CORIN: variants seen among roughly 807,000 people sequenced by gnomAD.
The protein encoded by CORIN is atrial natriuretic peptide-converting enzyme.
Under a neutral mutation model 125.3 loss-of-function variants are expected in CORIN, and 117 were observed. The ratio of observed to expected loss-of-function variants is 0.93; its 90% CI spans 0.80 to 1.09. CORIN has a LOEUF of 1.09. Among genes scored for constraint, CORIN ranks in the 50% least tolerant of loss-of-function variants. CORIN has a pLI of 0.00. For synonymous variants in CORIN, 450 were observed against 466.4 expected (o/e 0.96, Z 0.45); for missense variants, 1,253 against 1,306.7 (o/e 0.96, Z 0.63).
chr4:47,802,500 G>A (rs1577935962), intron 2 of CORIN, among the ~76,000 whole-genome samples: 1 of 152,190 alleles, frequency 6.6e-6, no homozygotes, highest in African/African-American at 2.4e-5. Flanking sequence ...TGGTGGTTGT[G>A]GTGGCCACAG....
chr4:47,597,396 G>C (rs1360660363), intron 21 of CORIN, among the ~76,000 whole-genome samples: 1 of 150,968 alleles, frequency 6.6e-6, no homozygotes, highest in Non-Finnish European at 1.5e-5. Flanking sequence ...AATTTTGATT[G>C]TGCTGTATGC....
intron 2 of CORIN, among the ~76,000 whole-genome samples, chr4:47,800,226 G>T (rs1731480268): frequency 6.6e-6 from 1 of 151,740 alleles, no homozygotes; most frequent in South Asian, 2.1e-4. Context: ...GACTTTAAAT[G>T]GTTGGATTGA....
intron 17 of CORIN, among the ~76,000 whole-genome samples, chr4:47,624,851 G>A (rs1722485383): frequency 6.6e-6 from 1 of 151,038 alleles, no homozygotes; most frequent in African/African-American, 2.4e-5. Context: ...ATACTATGAT[G>A]TACTTAGAAT....
intron 1 of CORIN, among the ~76,000 whole-genome samples, chr4:47,833,484 G>A (rs1172086379): frequency 6.8e-6 from 1 of 147,734 alleles, no homozygotes; most frequent in East Asian, 2.0e-4. Flanking sequence ...CATTGATCTC[G>A]GCGATAATTT....
At chr4:47,727,553 C>A (rs1383057179) in intron 5 of CORIN, among the ~76,000 whole-genome samples, 1 of 151,966 alleles carries the variant, frequency 6.6e-6, no homozygotes, top group East Asian at 1.9e-4. Context: ...GTAATAATTT[C>A]CATTTTATGC....
chr4:47,609,076 C>T lies in CORIN; in HGVS notation c.2541-5408G>A, dbSNP rs867046514. On this transcript the variant is annotated intron_variant, in intron 19 of 21. Transcript: ENST00000273857. Reference sequence around the variant, plus strand: ...AAATTTATCTATTTTACAAGACTTACTCCAGAAATAGCATAGCTAAGTGGT... The same window carrying T: ...AAATTTATCTATTTTACAAGACTTATTCCAGAAATAGCATAGCTAAGTGGT... Among the ~76,000 whole-genome samples, 5 of 152,190 alleles carry T rather than the reference C, an allele frequency of 3.3e-5. No homozygotes were observed. In the Middle Eastern group the frequency reaches 0.01, roughly 311 times the overall value.
At chr4:47,668,644 C>A (rs921057100) in intron 10 of CORIN, among the ~76,000 whole-genome samples, 4 of 152,180 alleles carry the variant, frequency 2.6e-5, no homozygotes, top group Admixed American at 2.6e-4. Flanking sequence ...TTTCTACCAC[C>A]CCATCAAGGT....
At chr4:47,801,759 A>C (rs1731553500) in intron 2 of CORIN, among the ~76,000 whole-genome samples, 1 of 152,206 alleles carries the variant, frequency 6.6e-6, no homozygotes, top group Non-Finnish European at 1.5e-5. Context: ...CTTGAGTTCC[A>C]GCGAGCCTCA....
intron 2 of CORIN, among the ~76,000 whole-genome samples, chr4:47,801,932 G>A (rs1459621675): frequency 2.6e-5 from 4 of 152,258 alleles, no homozygotes; most frequent in Admixed American, 6.5e-5. Context: ...GGCTAAGGGA[G>A]TGCTTGTGCC....
chr4:47,675,645 G>A (rs1407662762), intron 9 of CORIN, among the ~76,000 whole-genome samples: 1 of 152,146 alleles, frequency 6.6e-6, no homozygotes, highest in Non-Finnish European at 1.5e-5. Flanking sequence ...ATACCCCCTG[G>A]GAAGTGGCTT....
chr4:47,803,246 G>A (rs1299524084), intron 2 of CORIN, among the ~76,000 whole-genome samples: 2 of 152,104 alleles, frequency 1.3e-5, no homozygotes, highest in Non-Finnish European at 2.9e-5. Flanking sequence ...TTCATGGATT[G>A]GAAGAATCAA....
At chr4:47,688,702 A>G (rs529270335) in intron 6 of CORIN, among the ~76,000 whole-genome samples, 1 of 152,264 alleles carries the variant, frequency 6.6e-6, no homozygotes, top group Non-Finnish European at 1.5e-5. Flanking sequence ...ATGGCTTAAC[A>G]GTATCTTTCT....
At chr4:47,774,111 T>C (rs1730180807) in intron 3 of CORIN, among the ~76,000 whole-genome samples, 1 of 152,236 alleles carries the variant, frequency 6.6e-6, no homozygotes, top group African/African-American at 2.4e-5. Context: ...AACTTGTCTA[T>C]AAAATTATCT....
chr4:47,672,066 A>ATT (rs1724787916), intron 10 of CORIN, among the ~76,000 whole-genome samples: 1 of 152,224 alleles, frequency 6.6e-6, no homozygotes, highest in Non-Finnish European at 1.5e-5. Context: ...AACTGAGTGT[A>ATT]TTTAAAGAGC....
At chr4:47,635,711 G>A (rs1353207276) in intron 16 of CORIN, among the ~76,000 whole-genome samples, 1 of 152,144 alleles carries the variant, frequency 6.6e-6, no homozygotes, top group African/African-American at 2.4e-5. Flanking sequence ...GAAGACCAAA[G>A]GCTTTTGCAT....
chr4:47,666,845 A>C (rs565807864), intron 10 of CORIN, among the ~76,000 whole-genome samples: 1 of 152,300 alleles, frequency 6.6e-6, no homozygotes, highest in East Asian at 1.9e-4. Context: ...CATTTAAGCC[A>C]CCCAATCCAT....
chr4:47,656,069 C>G (rs1238560356), intron 12 of CORIN, among the ~76,000 whole-genome samples: 2 of 151,146 alleles, frequency 1.3e-5, no homozygotes, highest in African/African-American at 2.4e-5. Flanking sequence ...CCTTGATGAA[C>G]ATTGACATAA....
chr4:47,641,433 C>G (rs1013518414), intron 16 of CORIN, among the ~76,000 whole-genome samples: 1 of 152,156 alleles, frequency 6.6e-6, no homozygotes, highest in African/African-American at 2.4e-5. Context: ...TGTATCAAAG[C>G]CAGAGTGAAT....
intron 3 of CORIN, among the ~76,000 whole-genome samples, chr4:47,771,306 T>C (rs964542545): frequency 6.6e-6 from 1 of 152,136 alleles, no homozygotes; most frequent in African/African-American, 2.4e-5. Context: ...AGAAACATTT[T>C]GCCAGAATGA....
Sources: allele counts gnomAD v4.1 joint callset (sites outside exome capture counted in the v4.1 genomes callset), GRCh38; gene constraint gnomAD v4.1.1; transcripts MANE v1.5; gene names NCBI Gene and HGNC (gene_info 2026-07-23, HGNC 2026-07-21).